CEP152: variants seen among roughly 807,000 people sequenced by gnomAD.
CEP152 encodes the protein centrosomal protein of 152 kDa.
Under a neutral mutation model 188.9 loss-of-function variants are expected in CEP152, and 132 were observed. The observed-to-expected ratio is 0.70, with a 90% CI of 0.61 to 0.81. The LOEUF is 0.81. Ranked by LOEUF, CEP152 falls within the 30% of genes least tolerant of loss-of-function variation. The pLI is 0.00. For synonymous variants in CEP152, 649 were observed against 666.6 expected (o/e 0.97, Z 0.41); for missense variants, 1,914 against 1,969.8 (o/e 0.97, Z 0.54).
chr15:48,790,145 G>T (rs1481525211), intron 8 of CEP152, among the ~76,000 whole-genome samples: 1 of 152,164 alleles, frequency 6.6e-6, no homozygotes, highest in East Asian at 1.9e-4. Context: ...TCCAGAGATT[G>T]CCTATTTATT....
At chr15:48,799,391 A>G (rs1032818511) in intron 2 of CEP152, among the ~76,000 whole-genome samples, 1 of 152,210 alleles carries the variant, frequency 6.6e-6, no homozygotes, top group African/African-American at 2.4e-5. Context: ...GGTGAAATAA[A>G]ATTTGGGAAT....
In CEP152 at chr15:48,746,174, A is replaced by T. The variant is rs1022923566; in HGVS notation, c.3635-1182T>A. ...AACCTACTAAAGTTATATTAAGAAA[A>T]AATTTCAATTAAACTATTGACTTAA... On this transcript the variant is annotated intron_variant, in intron 22 of 26. Transcript: ENST00000380950. Among the ~76,000 whole-genome samples the T allele has an allele frequency of 1.3e-5, 2 of 152,220 alleles. 1 individual carries two copies. Among genetic ancestry groups the T allele is most frequent in the South Asian group, 4.1e-4 (2 of 4,828 alleles).
chr15:48,771,323 G>A (rs1012082486), intron 13 of CEP152, among the ~76,000 whole-genome samples: 1 of 152,180 alleles, frequency 6.6e-6, no homozygotes, highest in Non-Finnish European at 1.5e-5. Context: ...AGAATACAGA[G>A]GTGGATTTCA....
chr15:48,810,609 C>G (rs1440407647), intron 1 of CEP152: 2 of 152,282 alleles, frequency 1.3e-5, no homozygotes, highest in African/African-American at 4.8e-5. Flanking sequence ...GCTTCGGGTG[C>G]CAGCGTCACT....
chr15:48,772,501 T>G lies in CEP152; in HGVS notation c.1768A>C (p.Ser590Arg), dbSNP rs75994436. Residue 590 changes from serine to arginine, a missense_variant, in exon 13 of 27, where the codon AGC becomes CGC. Ser to Arg is a moderately radical substitution (Grantham distance 110). Transcript: ENST00000380950. ...GCTTTACATACCTCAACCTCAATGC[T>G]TTTTTCATCCTTCTTCACTTGGTGG... is the stretch of plus-strand genomic sequence containing the variant. Reference protein sequence around the residue: ...DLHQVKKDEKSIEVETKTDTS... With the variant: ...DLHQVKKDEKRIEVETKTDTS... 3.1e-6 allele frequency: 5 copies of G among 1,612,474 alleles called. No homozygotes were observed. Among genetic ancestry groups the G allele is most frequent in the Non-Finnish European group, 4.2e-6 (5 of 1,179,794 alleles).
chr15:48,767,269 C>T, intron 16 of CEP152, 66 bp downstream of exon 16: 4 of 1,613,898 alleles, frequency 2.5e-6, no homozygotes, highest in Non-Finnish European at 3.4e-6. Flanking sequence ...CAATTTTCCT[C>T]TAAATTATGG....
Position 48,796,079 on chromosome 15 carries a change from G to A in CEP152, c.622C>T (p.Pro208Ser). The A allele has an allele frequency of 6.2e-7, 1 of 1,613,804 alleles. No individual in the cohort carries two copies. Among genetic ancestry groups the A allele is most frequent in the African/African-American group, 1.3e-5 (1 of 74,978 alleles). The change falls in exon 6 of 27, where the codon CCA becomes TCA. Residue 208 changes from proline to serine, a missense_variant. Pro to Ser is a moderately conservative substitution (Grantham distance 74, BLOSUM62 -1). Coordinates refer to ENST00000380950, the MANE Select transcript of CEP152 (RefSeq NM_001194998.2). ...TCACTTCCTGTTATCTCCTGGGCTG[G>A]TGAGCCATTATTCTGGGCAGAAGAC... ...YQSSAQNNGS[P>S]AQEITGSDTF...
intron 19 of CEP152, among the ~76,000 whole-genome samples, chr15:48,757,626 C>T (rs1968825): frequency 0.92 from 140,041 of 152,236 alleles, 64,662 homozygotes; most frequent in Non-Finnish European, 0.96. Context: ...AAAGACAGAA[C>T]TGGGCATCTC....
chr15:48,738,328 T>C lies in CEP152; in HGVS notation c.5054A>G (p.Gln1685Arg), dbSNP rs1490623048. The C allele has an allele frequency of 3.1e-6, 5 of 1,614,184 alleles. No individual in the cohort carries two copies. The highest frequency in any genetic ancestry group is 1.6e-4 in the Middle Eastern group (1 of 6,062). ...CGGAACAATTAATTTTCTTGAAGGC[T>C]GCTGACACACTGAAGATGGTAATGT... ...SSTLPSSVCQ[Q>R]PSRKLIVPLS... The change falls in exon 27 of 27, where the codon CAG becomes CGG. Residue 1685 changes from glutamine to arginine, a missense_variant. Coordinates refer to ENST00000380950, the MANE Select transcript of CEP152 (RefSeq NM_001194998.2).
intron 21 of CEP152, 143 bp from the exon 22 acceptor site, chr15:48,748,753 T>C (rs1206526718): frequency 3.3e-6 from 3 of 909,002 alleles, no homozygotes; most frequent in African/African-American, 3.5e-5. Context: ...ATGCTTAAGA[T>C]AGAGAGACAT....
chr15:48,730,793 C>A lies in CEP152; in HGVS notation c.142+10838G>T, dbSNP rs1274926628. Reference sequence around the variant, plus strand: ...CAGTGGAGAAATCAGCAGGCACACACCATAGAGGATTTTGCAGATAAAGTC... The same window carrying A: ...CAGTGGAGAAATCAGCAGGCACACAACATAGAGGATTTTGCAGATAAAGTC... On this transcript the variant is annotated intron_variant and NMD_transcript_variant, in intron 2 of 3. Transcript: ENST00000561245. Among the ~76,000 whole-genome samples, 4 of 152,138 alleles carry A rather than the reference C, an allele frequency of 2.6e-5. No homozygotes were observed. In the East Asian group the frequency reaches 7.7e-4, roughly 29 times the overall value.
intron 19 of CEP152, 48 bp from the exon 20 acceptor site, chr15:48,756,601 CCTT>C (rs777890860): frequency 1.9e-6 from 3 of 1,568,750 alleles, no homozygotes; most frequent in Non-Finnish European, 2.6e-6. Flanking sequence ...TGATTCTCCT[CCTT>C]CGCAAAAAAA....
At chr15:48,753,408 A>C (rs1894020978) in intron 20 of CEP152, among the ~76,000 whole-genome samples, 1 of 152,240 alleles carries the variant, frequency 6.6e-6, no homozygotes, top group South Asian at 2.1e-4. Context: ...GGTATGGAGA[A>C]AGTAGTCTTA....
chr15:48,765,747 G>A (rs1895034925), intron 17 of CEP152: 3 of 341,122 alleles, frequency 8.8e-6, no homozygotes, highest in South Asian at 2.3e-5. Context: ...TCCGCCTCCC[G>A]GGTTCACGCC....
intron 2 of CEP152, among the ~76,000 whole-genome samples, chr15:48,731,426 G>A (rs1382994206): frequency 6.6e-6 from 1 of 152,156 alleles, no homozygotes; most frequent in Non-Finnish European, 1.5e-5. Flanking sequence ...ACGAAAACGA[G>A]CAATGGGGAA....
At position 48,758,718 on chromosome 15, in the gene CEP152, C is replaced by CAAAAAAAAAAAAAA. The variant is rs869223881; in HGVS notation, c.2694+1403_2694+1416dup. On this transcript the variant is annotated intron_variant, in intron 19 of 26. Transcript: ENST00000380950. ...TGGGAAACACAGCAAGACTCCATCT[C>CAAAAAAAAAAAAAA]AAAAAAAAAAAAAAAAAAAGGCAAA... Among the ~76,000 whole-genome samples the CAAAAAAAAAAAAAA allele has an allele frequency of 2.1e-4, 15 of 70,442 alleles. 1 individual carries two copies. The highest frequency in any genetic ancestry group is 3.4e-4 in the Admixed American group (2 of 5,818). The allele number at this position is 70,442 out of a possible 152,430, so 46.2% of individuals were successfully genotyped here. A position where few individuals can be genotyped will look rare whatever the true frequency, so the allele number is the denominator to read the frequency against.
chr15:48,782,358 A>G, intron 10 of CEP152, 128 bp from the exon 11 acceptor site: 1 of 773,438 alleles, frequency 1.3e-6, no homozygotes, highest in East Asian at 2.7e-5. Flanking sequence ...CTGTCTCTTT[A>G]GAATACATAG....
rs1006614470 is a variant in CEP152 at position 48,756,337 on chromosome 15, T to G, written c.2911A>C (p.Ile971Leu). 1.3e-6 allele frequency: 2 copies of G among 1,573,062 alleles called. No homozygotes were observed. The highest frequency in any genetic ancestry group is 3.8e-5 in the Admixed American group (2 of 52,150). The change falls in exon 20 of 27, where the codon ATC becomes CTC. Residue 971 changes from isoleucine (I) to leucine (L), a missense_variant. By Grantham distance (5) the Ile-to-Leu change is conservative. Coordinates refer to ENST00000380950, the MANE Select transcript of CEP152 (RefSeq NM_001194998.2). ...NKEKQEEIHRIQEQNEQDYRQ... is the reference protein window; with the variant it reads ...NKEKQEEIHRLQEQNEQDYRQ... ...TAATCTTGCTCATTTTGTTCTTGGA[T>G]TCTGTGGATTTCTTCTTGCTTTTCT...
intron 11 of CEP152, 97 bp from the exon 12 acceptor site, chr15:48,781,456 G>T: frequency 1.1e-6 from 1 of 926,174 alleles, no homozygotes; most frequent in Non-Finnish European, 1.7e-6. Flanking sequence ...TCAACAGGAG[G>T]CAAAAAAACT....
Sources: allele counts gnomAD v4.1 joint callset (sites outside exome capture counted in the v4.1 genomes callset), GRCh38; gene constraint gnomAD v4.1.1; transcripts MANE v1.5; gene names NCBI Gene and HGNC (gene_info 2026-07-23, HGNC 2026-07-21).